VPS45: variants seen among roughly 807,000 people sequenced by gnomAD.
The protein encoded by VPS45 is vacuolar protein sorting 45 homolog.
In VPS45, 35 loss-of-function variants were observed where a neutral mutation model predicts 75.9. The ratio of observed to expected loss-of-function variants is 0.46; its 90% CI spans 0.35 to 0.61. The LOEUF (loss-of-function observed/expected upper bound fraction) is 0.61. VPS45 is among the 20% of genes least tolerant of loss of function. The probability of loss-of-function intolerance (pLI) is 0.00; values close to 1 mark genes in which losing one functional copy is unlikely to be tolerated. For missense variants in VPS45, 559 were observed against 685.9 expected (o/e 0.81, Z 2.07); for synonymous variants, 220 against 238.2 (o/e 0.92, Z 0.70).
At chr1:150,135,527 A>G (rs2101654680) in intron 14 of VPS45, among the ~76,000 whole-genome samples, 1 of 152,118 alleles carries the variant, frequency 6.6e-6, no homozygotes, top group Non-Finnish European at 1.5e-5. Context: ...CGGCCTCCCA[A>G]AGTGCTGGGA....
At chr1:150,093,137 C>T (rs587723247) in intron 12 of VPS45, among the ~76,000 whole-genome samples, 177 of 152,154 alleles carry the variant, frequency 1.2e-3, no homozygotes, top group Non-Finnish European at 2.1e-3. Flanking sequence ...TGAGCCACCG[C>T]GCCCGGCAGC....
At chr1:150,102,254 A>C (rs1553804617) in intron 13 of VPS45, among the ~76,000 whole-genome samples, 1 of 148,770 alleles carries the variant, frequency 6.7e-6, no homozygotes, top group African/African-American at 2.5e-5. Context: ...AAAAAAAAAA[A>C]CAAACACATG....
intron 10 of VPS45, 135 bp downstream of exon 10, chr1:150,083,018 A>C: frequency 1.2e-6 from 1 of 866,836 alleles, no homozygotes; most frequent in Non-Finnish European, 1.7e-6. Flanking sequence ...AACACAAATT[A>C]ATATTATTTA....
intron 14 of VPS45, among the ~76,000 whole-genome samples, chr1:150,133,302 C>T (rs1390469768): frequency 6.6e-6 from 1 of 152,126 alleles, no homozygotes; most frequent in African/African-American, 2.4e-5. Context: ...GTAATATCAG[C>T]ACTTTGGGAG....
chr1:150,075,097 C>T (rs1655299579), intron 3 of VPS45, among the ~76,000 whole-genome samples: 1 of 139,242 alleles, frequency 7.2e-6, no homozygotes, highest in Admixed American at 7.0e-5. Flanking sequence ...ACTCTTAGTA[C>T]CATTTTCAAA....
chr1:150,099,021 G>A, intron 13 of VPS45: 4 of 1,095,940 alleles, frequency 3.6e-6, no homozygotes, highest in Non-Finnish European at 4.5e-6. Flanking sequence ...CTGTGAAGCA[G>A]CAGTCCTTTT....
intron 10 of VPS45, among the ~76,000 whole-genome samples, chr1:150,090,206 A>G (rs587691140): frequency 9.7e-4 from 148 of 152,312 alleles, no homozygotes; most frequent in African/African-American, 3.3e-3. Flanking sequence ...TCTGATTTCC[A>G]TATTTATTTT....
intron 14 of VPS45, among the ~76,000 whole-genome samples, chr1:150,128,294 C>A: frequency 1.3e-5 from 1 of 74,878 alleles, no homozygotes. Context: ...AGAATGGGAC[C>A]CTTGTCTTAA....
chr1:150,124,561 T>TTC (rs1418477851), intron 14 of VPS45, among the ~76,000 whole-genome samples: 1 of 148,580 alleles, frequency 6.7e-6, no homozygotes, highest in African/African-American at 2.5e-5. Context: ...TCTTTTTTTT[T>TTC]TTTTGAGACA....
At chr1:150,144,623 C>A in intron 14 of VPS45, 86 bp from the exon 15 acceptor site, 2 of 1,172,406 alleles carry the variant, frequency 1.7e-6, no homozygotes, top group Non-Finnish European at 2.4e-6. Flanking sequence ...GATATATTTT[C>A]ATCTGGTTAG....
intron 6 of VPS45, 26 bp from the exon 7 acceptor site, chr1:150,077,643 A>C: frequency 7.3e-5 from 109 of 1,497,718 alleles, no homozygotes; most frequent in Middle Eastern, 1.7e-4. Flanking sequence ...ATGGTTGCAC[A>C]AACCATCTTT....
At chr1:150,099,750 G>A (rs868969232) in intron 13 of VPS45, among the ~76,000 whole-genome samples, 4 of 148,572 alleles carry the variant, frequency 2.7e-5, no homozygotes, top group African/African-American at 5.0e-5. Context: ...GGAGAATGGC[G>A]TGAACCCAGG....
rs6694141 is a variant in VPS45, at chr1:150,089,774, A to T, written c.1105-2163A>T. Among the ~76,000 whole-genome samples, 1,000 of 152,342 alleles carry T rather than the reference A, an allele frequency of 6.6e-3. 10 individuals carry two copies. Among genetic ancestry groups the T allele is most frequent in the African/African-American group, 0.023 (947 of 41,574 alleles). On this transcript the variant is annotated intron_variant, in intron 10 of 14. Transcript: ENST00000644510. ...AGAAAATAGTGGAACATTTGAACAG[A>T]TACCCTAAATGGGCTGTATTCCGTG...
At chr1:150,103,900 C>T (rs1267925131) in intron 13 of VPS45, among the ~76,000 whole-genome samples, 3 of 152,110 alleles carry the variant, frequency 2.0e-5, no homozygotes, top group African/African-American at 7.2e-5. Context: ...TGTACCCCTG[C>T]AAAGGAAAGA....
At chr1:150,127,093 C>G (rs1432307061) in intron 14 of VPS45, among the ~76,000 whole-genome samples, 4 of 151,998 alleles carry the variant, frequency 2.6e-5, no homozygotes, top group Non-Finnish European at 2.9e-5. Flanking sequence ...AAACACTTAA[C>G]CAAATTTTAA....
intron 13 of VPS45, among the ~76,000 whole-genome samples, chr1:150,103,379 A>G (rs1322991457): frequency 1.3e-5 from 2 of 152,214 alleles, no homozygotes; most frequent in Non-Finnish European, 2.9e-5. Context: ...TTTTTCATAG[A>G]CGTTCTTCCT....
At chr1:150,104,679 C>T (rs1553805384) in intron 13 of VPS45, among the ~76,000 whole-genome samples, 1 of 152,116 alleles carries the variant, frequency 6.6e-6, no homozygotes, top group Non-Finnish European at 1.5e-5. Context: ...AAGTGATCCT[C>T]CCATCTCAGT....
Position 150,077,185 on chromosome 1 carries a change from A to G in VPS45, c.530A>G (p.Tyr177Cys). 1 of 1,614,108 alleles carries G rather than the reference A, an allele frequency of 6.2e-7. No individual in the cohort carries two copies. The highest frequency in any genetic ancestry group is 8.5e-7 in the Non-Finnish European group (1 of 1,179,998). ...CTGAAGAAGTGTCCCATGATTCGTT[A>G]TCAGCTCTCATCAGAGGCAGCAAAG... Reference protein sequence around the residue: ...LSLKKCPMIRYQLSSEAAKRL... With the variant: ...LSLKKCPMIRCQLSSEAAKRL... The change falls in exon 6 of 15, where the codon TAT becomes TGT. Residue 177 changes from tyrosine to cysteine, a missense_variant. By Grantham distance (194) the Tyr-to-Cys change is radical. Coordinates refer to ENST00000644510, the MANE Select transcript of VPS45 (RefSeq NM_007259.5).
At chr1:150,079,470 A>T (rs902532497) in intron 7 of VPS45, among the ~76,000 whole-genome samples, 4 of 152,148 alleles carry the variant, frequency 2.6e-5, no homozygotes, top group Non-Finnish European at 5.9e-5. Context: ...GCGTGATCTC[A>T]GCTCACTGCA....
Sources: gnomAD v4.1 joint callset for allele counts (sites outside exome capture counted in the v4.1 genomes callset) on GRCh38, gnomAD v4.1.1 for gene constraint, MANE v1.5 for transcripts, NCBI Gene and HGNC (gene_info 2026-07-23, HGNC 2026-07-21) for gene names.